Variants in LRRC4C observed in about 807,000 individuals in gnomAD.
LRRC4C encodes leucine rich repeat containing 4C, also known as leucine-rich repeat-containing protein 4C.
A neutral mutation model predicts 33.6 loss-of-function variants in LRRC4C; 5 were observed. The ratio of observed to expected loss-of-function variants is 0.15; its 90% CI spans 0.08 to 0.31. The LOEUF (loss-of-function observed/expected upper bound fraction) is 0.31, where lower values mean the gene tolerates loss of function less well. Among genes scored for constraint, LRRC4C ranks in the 10% least tolerant of loss-of-function variants. The probability of loss-of-function intolerance (pLI) is 1.00; values close to 1 mark genes in which losing one functional copy is unlikely to be tolerated. For synonymous variants in LRRC4C, 329 were observed against 302.0 expected (o/e 1.09, Z -0.93); for missense variants, 560 against 796.7 (o/e 0.70, Z 3.58).
chr11:40,284,614 A>C (rs1023877214), intron 4 of LRRC4C, among the ~76,000 whole-genome samples: 16 of 152,232 alleles, frequency 1.1e-4, no homozygotes, highest in Non-Finnish European at 1.5e-5. Flanking sequence ...GAGACAATCT[A>C]GGAGAGAAAC....
At chr11:40,640,656 A>AT (rs567695416) in intron 3 of LRRC4C, among the ~76,000 whole-genome samples, 275 of 152,284 alleles carry the variant, frequency 1.8e-3, no homozygotes, top group African/African-American at 5.8e-3. Context: ...ACCAATATAT[A>AT]TTTTTAAATG....
chr11:41,238,754 CATT>C (rs1286990559), intron 1 of LRRC4C, among the ~76,000 whole-genome samples: 2 of 152,096 alleles, frequency 1.3e-5, no homozygotes, highest in Admixed American at 1.3e-4. Flanking sequence ...TCTTTACTAT[CATT>C]ATATAAAGAT....
At chr11:40,775,507 T>C (rs1043223486) in intron 2 of LRRC4C, among the ~76,000 whole-genome samples, 1 of 152,198 alleles carries the variant, frequency 6.6e-6, no homozygotes, top group African/African-American at 2.4e-5. Flanking sequence ...GTTAGATGCA[T>C]TTTTAGTTAT....
At chr11:41,369,518 C>A (rs191944273) in intron 1 of LRRC4C, among the ~76,000 whole-genome samples, 2 of 151,288 alleles carry the variant, frequency 1.3e-5, no homozygotes, top group Admixed American at 6.6e-5. Context: ...AACAAACCTG[C>A]ACATGTACCC....
chr11:41,037,741 G>A (rs1857183423), intron 1 of LRRC4C, among the ~76,000 whole-genome samples: 2 of 152,128 alleles, frequency 1.3e-5, no homozygotes, highest in Non-Finnish European at 2.9e-5. Context: ...TAGTAGGTGA[G>A]TGGACTGGCT....
intron 2 of LRRC4C, among the ~76,000 whole-genome samples, chr11:40,712,716 A>G (rs1946527420): frequency 6.6e-6 from 1 of 152,144 alleles, no homozygotes; most frequent in Non-Finnish European, 1.5e-5. Flanking sequence ...AAAAACCTTT[A>G]CAAAGAGATT....
intron 1 of LRRC4C, among the ~76,000 whole-genome samples, chr11:41,307,551 G>A (rs1315600167): frequency 6.6e-6 from 1 of 152,180 alleles, no homozygotes; most frequent in Non-Finnish European, 1.5e-5. Context: ...TTGCATGTGG[G>A]CTGAGCAAAC....
chr11:40,593,788 C>A (rs898644872), intron 3 of LRRC4C, among the ~76,000 whole-genome samples: 2 of 152,070 alleles, frequency 1.3e-5, no homozygotes, highest in African/African-American at 4.8e-5. Context: ...ATTGAAAACT[C>A]TTTTTTCCAC....
chr11:40,403,930 A>G (rs1463872184), intron 3 of LRRC4C, among the ~76,000 whole-genome samples: 5 of 152,128 alleles, frequency 3.3e-5, no homozygotes, highest in Non-Finnish European at 5.9e-5. Flanking sequence ...ACTCCACTGA[A>G]TTCAGTTTCC....
intron 1 of LRRC4C, among the ~76,000 whole-genome samples, chr11:41,078,485 G>A (rs1236882421): frequency 1.3e-5 from 2 of 152,162 alleles, no homozygotes; most frequent in Admixed American, 6.5e-5. Flanking sequence ...AGGACTTGGA[G>A]GCCTCAGGAA....
intron 3 of LRRC4C, among the ~76,000 whole-genome samples, chr11:40,562,211 C>T (rs11035922): frequency 1.3e-5 from 2 of 152,164 alleles, no homozygotes; most frequent in African/African-American, 2.4e-5. Context: ...TGTTAAAGCC[C>T]TAATTGGTAG....
In LRRC4C at chr11:40,230,275, G is replaced by A. The variant is rs959675316; in HGVS notation, c.-96+11244C>T. Among the ~76,000 whole-genome samples the A allele has an allele frequency of 2.0e-5, 3 of 152,208 alleles. No individual in the cohort carries two copies. The East Asian group carries it at 5.8e-4, about 29-fold the overall frequency. ...TACTTTCAGAAAAAGGGACAACAAA[G>A]TGATAGCTTTTGATATCCAAGTCAC... On this transcript the variant is annotated intron_variant, in intron 5 of 6. Transcript: ENST00000528697.
intron 1 of LRRC4C, among the ~76,000 whole-genome samples, chr11:41,168,150 T>C (rs1944812588): frequency 2.6e-5 from 4 of 152,138 alleles, no homozygotes; most frequent in African/African-American, 2.4e-5. Context: ...AACCTGGATG[T>C]TTCTGGTACT....
At chr11:40,417,126 G>A (rs1254141629) in intron 3 of LRRC4C, among the ~76,000 whole-genome samples, 1 of 152,182 alleles carries the variant, frequency 6.6e-6, no homozygotes, top group African/African-American at 2.4e-5. Context: ...TGTTTCATTA[G>A]CTATATGACC....
intron 3 of LRRC4C, among the ~76,000 whole-genome samples, chr11:40,436,208 G>A (rs1185185558): frequency 6.6e-6 from 1 of 152,136 alleles, no homozygotes; most frequent in African/African-American, 2.4e-5. Context: ...ACAAAAATTA[G>A]CTATGCTCAT....
At chr11:40,509,586 C>T (rs538055228) in intron 3 of LRRC4C, among the ~76,000 whole-genome samples, 15 of 151,674 alleles carry the variant, frequency 9.9e-5, no homozygotes, top group South Asian at 6.2e-4. Flanking sequence ...GTTATGTTTT[C>T]GGGACTGCCT....
chr11:40,916,063 A>T (rs1482657810), intron 2 of LRRC4C, among the ~76,000 whole-genome samples: 1 of 152,156 alleles, frequency 6.6e-6, no homozygotes, highest in Admixed American at 6.5e-5. Context: ...GCTGGAGAGG[A>T]TGTGGAGAAA....
intron 3 of LRRC4C, chr11:40,446,297 A>T (rs1255642246): frequency 6.6e-6 from 1 of 152,162 alleles, no homozygotes; most frequent in Non-Finnish European, 1.5e-5. Context: ...AGGCATCTAG[A>T]TTCTCTCAAG....
Position 41,411,142 on chromosome 11 carries a change from ATT to A in LRRC4C, c.-496+48287_-496+48288del, listed in dbSNP as rs370574515. Among the ~76,000 whole-genome samples, 203 of 57,230 alleles carry A rather than the reference ATT, an allele frequency of 3.5e-3. 7 individuals carry two copies. Among genetic ancestry groups the A allele is most frequent in the African/African-American group, 7.3e-3 (63 of 8,604 alleles). 37.5% of individuals were successfully genotyped at this position (57,230 alleles called of 152,430 possible). On this transcript the variant is annotated intron_variant, in intron 1 of 6. Transcript: ENST00000528697. The stretch of plus-strand genomic sequence containing the variant: ...ATGAGAAACACTTGGTTGGTACCCT[ATT>A]TTTTTTTTTTTTTTTTTTTTTTGAG...
Sources: gnomAD v4.1 joint callset for allele counts (sites outside exome capture counted in the v4.1 genomes callset) on GRCh38, gnomAD v4.1.1 for gene constraint, MANE v1.5 for transcripts, NCBI Gene and HGNC (gene_info 2026-07-23, HGNC 2026-07-21) for gene names.